UBE2O: variants seen among roughly 807,000 people sequenced by gnomAD.
UBE2O encodes the protein ubiquitin conjugating enzyme E2 O.
Under a neutral mutation model 125.8 loss-of-function variants are expected in UBE2O, and 15 were observed. That is an observed-to-expected ratio of 0.12 (90% confidence interval 0.08 to 0.18). UBE2O has a LOEUF of 0.18. Among genes scored for constraint, UBE2O ranks in the 10% least tolerant of loss-of-function variants. The pLI is 1.00. For synonymous variants in UBE2O, 708 were observed against 703.2 expected (o/e 1.01, Z -0.11); for missense variants, 1,280 against 1,723.6 (o/e 0.74, Z 4.56).
chr17:76,451,042 G>A (rs1409413596), intron 1 of UBE2O, among the ~76,000 whole-genome samples: 1 of 152,210 alleles, frequency 6.6e-6, no homozygotes, highest in African/African-American at 2.4e-5. Flanking sequence ...AAGACGGACG[G>A]GAACAACAAC....
Position 76,398,016 on chromosome 17 carries a change from A to C in UBE2O, c.2026-128T>G. 1 of 1,108,296 alleles carries C rather than the reference A, an allele frequency of 9.0e-7. No individual in the cohort carries two copies. Among genetic ancestry groups the C allele is most frequent in the Non-Finnish European group, 1.3e-6 (1 of 762,830 alleles). 68.7% of individuals were successfully genotyped at this position (1,108,296 alleles called of 1,614,324 possible). On this transcript the variant is annotated intron_variant, in intron 12 of 17. Transcript: ENST00000319380. The surrounding 1 kb of genome is among the most constrained non-coding windows in gnomAD (Gnocchi z 5.4). ...GACAAGGAACTTAGCTCCTCTGGTAAATGTAACCAGCGGCAGCTCAAGAAG... is the reference window on the plus strand; with the variant it reads ...GACAAGGAACTTAGCTCCTCTGGTACATGTAACCAGCGGCAGCTCAAGAAG...
chr17:76,421,235 A>G (rs2072705337), intron 1 of UBE2O, among the ~76,000 whole-genome samples: 1 of 152,212 alleles, frequency 6.6e-6, no homozygotes. Context: ...AACACTGCAG[A>G]AAGAAGTGAC....
At chr17:76,412,825 C>T (rs376102165) in intron 1 of UBE2O, among the ~76,000 whole-genome samples, 4 of 152,128 alleles carry the variant, frequency 2.6e-5, no homozygotes, top group African/African-American at 4.8e-5. Flanking sequence ...CTGGCCAACA[C>T]GGTGAAACCC....
At chr17:76,413,567 T>A (rs1331836210) in intron 1 of UBE2O, among the ~76,000 whole-genome samples, 2 of 152,158 alleles carry the variant, frequency 1.3e-5, no homozygotes, top group African/African-American at 2.4e-5. Context: ...ATATAACACG[T>A]ATGTGTCCCG....
intron 1 of UBE2O, among the ~76,000 whole-genome samples, chr17:76,412,536 A>G (rs2072533936): frequency 6.6e-6 from 1 of 152,012 alleles, no homozygotes; most frequent in South Asian, 2.1e-4. Flanking sequence ...GCTCCTAACC[A>G]GCCTCTCTCC....
chr17:76,395,707 C>T lies in UBE2O; in HGVS notation c.2946+18G>A. ...CCCACACAGCACATCTGCACCTGCCCATGCCAAGCCTACTTGCCATTCTAT... is the reference window on the plus strand; with the variant it reads ...CCCACACAGCACATCTGCACCTGCCTATGCCAAGCCTACTTGCCATTCTAT... On this transcript the variant is annotated intron_variant, in intron 15 of 17. Coordinates refer to ENST00000319380, the MANE Select transcript of UBE2O (RefSeq NM_022066.4). This position sits in a 1 kb window ranked among gnomAD's most constrained non-coding sequence, Gnocchi z 5.0. The T allele has an allele frequency of 6.2e-7, 1 of 1,610,960 alleles. No individual in the cohort carries two copies.
rs34234366 is a variant in UBE2O, at chr17:76,402,429, C to A, written c.686+173G>T. Among the ~76,000 whole-genome samples, 12,454 of 152,160 alleles carry A rather than the reference C, an allele frequency of 0.082. 694 individuals are homozygous for A. Among genetic ancestry groups the A allele is most frequent in the Non-Finnish European group, 0.12 (8,255 of 67,974 alleles). ...TCAGAAACTGAGCAACAGAAATAGG[C>A]CACGGCAGATAAGGAGAACGGTACA... On this transcript the variant is annotated intron_variant, in intron 4 of 17. Transcript: ENST00000319380. This position sits in a 1 kb window ranked among gnomAD's most constrained non-coding sequence, Gnocchi z 5.4.
At position 76,398,701 on chromosome 17, in the gene UBE2O, C is replaced by A. The variant is rs1183309204; in HGVS notation, c.1784-117G>T. 4.1e-6 allele frequency: 6 copies of A among 1,456,686 alleles called. No individual in the cohort carries two copies. The East Asian group carries it at 1.1e-4, about 28-fold the overall frequency. The allele number at this position is 1,456,686 out of a possible 1,614,324, so 90.2% of individuals were successfully genotyped here. On this transcript the variant is annotated intron_variant, in intron 10 of 17. Coordinates refer to ENST00000319380, the MANE Select transcript of UBE2O (RefSeq NM_022066.4). The surrounding 1 kb of genome is among the most constrained non-coding windows in gnomAD (Gnocchi z 5.4). The stretch of plus-strand genomic sequence containing the variant: ...TTCCCCCGTCTTGGAAGTGGTGAGA[C>A]CCCTTCATGAGGGCAGTCCCCTTCT...
At position 76,400,671 on chromosome 17, in the gene UBE2O, A is replaced by G; in HGVS notation, c.895-121T>C. On this transcript the variant is annotated intron_variant, in intron 6 of 17. Transcript: ENST00000319380. The surrounding 1 kb of genome is among the most constrained non-coding windows in gnomAD (Gnocchi z 4.3). ...AACTGATCTTCCTAGTGCAGCACCA[A>G]GTACAGACACATCAGAGCAGGCCCC... 6 of 683,688 alleles carry G rather than the reference A, an allele frequency of 8.8e-6. No individual in the cohort carries two copies. The highest frequency in any genetic ancestry group is 1.5e-5 in the Non-Finnish European group (6 of 406,308). The allele number at this position is 683,688 out of a possible 1,614,324, so 42.4% of individuals were successfully genotyped here.
chr17:76,416,010 TATAC>T (rs1567843130), intron 1 of UBE2O, among the ~76,000 whole-genome samples: 1 of 150,414 alleles, frequency 6.6e-6, no homozygotes, highest in African/African-American at 2.4e-5. Flanking sequence ...TACGTATGTG[TATAC>T]ATATGTACAC....
At chr17:76,420,981 C>CT (rs1424299997) in intron 1 of UBE2O, among the ~76,000 whole-genome samples, 1 of 152,162 alleles carries the variant, frequency 6.6e-6, no homozygotes, top group Non-Finnish European at 1.5e-5. Flanking sequence ...ATCAGGTAGT[C>CT]TGCTTTCTAA....
Position 76,410,656 on chromosome 17 carries a change from G to A in UBE2O, c.418-5084C>T, listed in dbSNP as rs369517143. Among the ~76,000 whole-genome samples, 3 of 152,158 alleles carry A rather than the reference G, an allele frequency of 2.0e-5. No homozygotes were observed. Among genetic ancestry groups the A allele is most frequent in the African/African-American group, 7.2e-5 (3 of 41,438 alleles). On this transcript the variant is annotated intron_variant, in intron 1 of 17. Transcript: ENST00000319380. This position sits in a 1 kb window ranked among gnomAD's most constrained non-coding sequence, Gnocchi z 4.0. The stretch of plus-strand genomic sequence containing the variant: ...AGAGGGCAACGTGGCAGGAGGCTGG[G>A]CACTTCTGTTGTGCCCCATTTGAGC...
At position 76,452,697 on chromosome 17, in the gene UBE2O, C is replaced by T; in HGVS notation, c.417+28G>A. The T allele has an allele frequency of 1.5e-6, 2 of 1,355,798 alleles. No individual in the cohort carries two copies. Among genetic ancestry groups the T allele is most frequent in the Non-Finnish European group, 9.4e-7 (1 of 1,064,684 alleles). The allele number at this position is 1,355,798 out of a possible 1,614,324, so 84.0% of individuals were successfully genotyped here. Reference sequence around the variant, plus strand: ...GCCCGGCCGCCGACCCCCTGCCGCCCGCGCCGCCCAGCCCCCGCCCGCCGC... The same window carrying T: ...GCCCGGCCGCCGACCCCCTGCCGCCTGCGCCGCCCAGCCCCCGCCCGCCGC... On this transcript the variant is annotated intron_variant, in intron 1 of 17. Transcript: ENST00000319380. This position sits in a 1 kb window ranked among gnomAD's most constrained non-coding sequence, Gnocchi z 4.4.
rs545437391 is a variant in UBE2O at position 76,423,892 on chromosome 17, G to C, written c.418-18320C>G. On this transcript the variant is annotated intron_variant, in intron 1 of 17. Transcript: ENST00000319380. ...GTGGCTCTCAGCTACTTCCAGGTTG[G>C]GTTCTTTTTTTTTTTTTTTTTTTTT... 3.6e-3 allele frequency among the ~76,000 whole-genome samples: 403 copies of C among 110,540 alleles called. 2 individuals carry two copies. Among genetic ancestry groups the C allele is most frequent in the Non-Finnish European group, 5.7e-3 (310 of 54,768 alleles). 72.5% of individuals were successfully genotyped at this position (110,540 alleles called of 152,430 possible).
chr17:76,393,922 C>T (rs898655126), intron 15 of UBE2O, among the ~76,000 whole-genome samples: 16 of 152,212 alleles, frequency 1.1e-4, no homozygotes, highest in Non-Finnish European at 2.1e-4. Flanking sequence ...TGGGAGCCTC[C>T]AGGGAATGCA....
chr17:76,399,915 G>T lies in UBE2O; in HGVS notation c.1162C>A (p.Arg388Ser). ...GEGSMAKKVK[R>S]LLKKQVVRIM... ...CGCACAACCTGCTTCTTCAACAGGC[G>T]CTTCACCTGCAAGGGCGGAGCAGAG... The change falls in exon 9 of 18, where the codon CGC (arginine) becomes AGC (serine). Residue 388 changes from arginine (R) to serine (S), a missense_variant. Arg to Ser is a moderately radical substitution (Grantham distance 110). This residue lies in a region of UBE2O where 141 missense variants were observed against 141.3 expected (regional missense o/e 1.00). Transcript: ENST00000319380. The surrounding 1 kb of genome is among the most constrained non-coding windows in gnomAD (Gnocchi z 6.9). 1 of 1,600,630 alleles carries T rather than the reference G, an allele frequency of 6.2e-7. No individual in the cohort carries two copies. The highest frequency in any genetic ancestry group is 1.1e-5 in the South Asian group (1 of 87,964).
chr17:76,395,638 G>A lies in UBE2O; in HGVS notation c.2946+87C>T. 3 of 1,505,178 alleles carry A rather than the reference G, an allele frequency of 2.0e-6. No individual in the cohort carries two copies. The highest frequency in any genetic ancestry group is 2.7e-6 in the Non-Finnish European group (3 of 1,122,800). The allele number at this position is 1,505,178 out of a possible 1,614,324, so 93.2% of individuals were successfully genotyped here. A position where few individuals can be genotyped will look rare whatever the true frequency, so the allele number is the denominator to read the frequency against. ...TCCTCGCAGGTGCCAGTCAGCCCCG[G>A]AGGTTTGGGGACCCAAGGTTGGTGG... On this transcript the variant is annotated intron_variant, in intron 15 of 17. Coordinates refer to ENST00000319380, the MANE Select transcript of UBE2O (RefSeq NM_022066.4). This position sits in a 1 kb window ranked among gnomAD's most constrained non-coding sequence, Gnocchi z 5.0.
At chr17:76,421,499 G>C (rs1187542887) in intron 1 of UBE2O, among the ~76,000 whole-genome samples, 1 of 152,134 alleles carries the variant, frequency 6.6e-6, no homozygotes, top group Non-Finnish European at 1.5e-5. Flanking sequence ...ACAAGTAGCT[G>C]GGATTACAGG....
chr17:76,453,105 C>A lies in UBE2O; in HGVS notation c.37G>T (p.Ala13Ser). Reference protein sequence around the residue: ...DPAAPTPAAPAPAQAPAPAPE... With the variant: ...DPAAPTPAAPSPAQAPAPAPE... Reference sequence around the variant, plus strand: ...GCTGGAGCCGGGGCCTGGGCTGGAGCGGGAGCTGCGGGCGTGGGGGCTGCG... The same window carrying A: ...GCTGGAGCCGGGGCCTGGGCTGGAGAGGGAGCTGCGGGCGTGGGGGCTGCG... Residue 13 changes from alanine to serine, a missense_variant, in exon 1 of 18, where the codon GCT (alanine) becomes TCT (serine). Around this residue, in one of 10 missense-constraint regions of UBE2O, gnomAD observed 188 missense variants for 192.5 expected, o/e 0.98. Coordinates refer to ENST00000319380, the MANE Select transcript of UBE2O (RefSeq NM_022066.4). The A allele has an allele frequency of 1.1e-6, 1 of 878,684 alleles. No homozygotes were observed. The highest frequency in any genetic ancestry group is 1.6e-6 in the Non-Finnish European group (1 of 640,518). The allele number at this position is 878,684 out of a possible 1,614,324, so 54.4% of individuals were successfully genotyped here. A position where few individuals can be genotyped will look rare whatever the true frequency, so the allele number is the denominator to read the frequency against.
Sources: allele counts gnomAD v4.1 joint callset (sites outside exome capture counted in the v4.1 genomes callset), GRCh38; gene constraint gnomAD v4.1.1; regional missense constraint gnomAD v4.1.1; non-coding constraint Gnocchi (gnomAD v3.1); transcripts MANE v1.5; gene names NCBI Gene and HGNC (gene_info 2026-07-23, HGNC 2026-07-21).